Variants in GGA2 observed in about 807,000 individuals in gnomAD.
GGA2 encodes the protein golgi associated, gamma adaptin ear containing, ARF binding protein 2.
In GGA2, 48 loss-of-function variants were observed where a neutral mutation model predicts 79.5. That is an observed-to-expected ratio of 0.60 (90% confidence interval 0.48 to 0.77). GGA2 has a LOEUF of 0.77. GGA2 is among the 30% of genes least tolerant of loss of function. GGA2 has a pLI of 0.00. For synonymous variants in GGA2, 317 were observed against 302.0 expected (o/e 1.05, Z -0.51); for missense variants, 770 against 774.0 (o/e 0.99, Z 0.06).
chr16:23,488,594 C>G lies in GGA2; in HGVS notation c.579+12G>C, dbSNP rs1206832899. Reference sequence around the variant, plus strand: ...AGGTCTGATCAGACACCATGTAGGTCTGTTTCCTTACCTTGGACTTTTCTT... The same window carrying G: ...AGGTCTGATCAGACACCATGTAGGTGTGTTTCCTTACCTTGGACTTTTCTT... On this transcript the variant is annotated intron_variant, in intron 6 of 16. Transcript: ENST00000309859. The G allele has an allele frequency of 4.8e-6, 7 of 1,453,880 alleles. No homozygotes were observed. Among genetic ancestry groups the G allele is most frequent in the Admixed American group, 3.3e-5 (2 of 59,728 alleles). 90.1% of individuals were successfully genotyped at this position (1,453,880 alleles called of 1,614,324 possible).
At chr16:23,469,467 CCT>C (rs1032504212) in intron 15 of GGA2, 24 of 162,992 alleles carry the variant, frequency 1.5e-4, no homozygotes, top group Admixed American at 4.6e-4. Flanking sequence ...GGCCCCTTCC[CCT>C]GTGACTGTGG....
In GGA2 at chr16:23,493,828, C is replaced by T. The variant is rs1964820866; in HGVS notation, c.253-370G>A. The stretch of plus-strand genomic sequence containing the variant: ...AGACCAGCCGGATGTCACCCACTGG[C>T]ACTCAAGAGGCAAGCTGAGCCTGCA... On this transcript the variant is annotated intron_variant, in intron 3 of 16. Transcript: ENST00000309859. 3 of 303,574 alleles carry T rather than the reference C, an allele frequency of 9.9e-6. No individual in the cohort carries two copies. The South Asian group carries it at 1.1e-4, about 12-fold the overall frequency. 18.8% of individuals were successfully genotyped at this position (303,574 alleles called of 1,614,324 possible).
At chr16:23,512,568 A>ACTT (rs59368641), upstream of GGA2, among the ~76,000 whole-genome samples, 151,339 of 152,242 alleles carry the variant, frequency 0.99, 75,224 homozygotes, top group Middle Eastern at 1. Context: ...GAACACACAG[A>ACTT]CTTCTTGTGG....
chr16:23,486,295 T>C, intron 7 of GGA2, 143 bp from the exon 8 acceptor site: 1 of 712,954 alleles, frequency 1.4e-6, no homozygotes, highest in Admixed American at 2.8e-5. Context: ...ACTCACACAG[T>C]GGGTGAAAAA....
chr16:23,506,010 G>A (rs1596996204), intron 1 of GGA2, among the ~76,000 whole-genome samples: 1 of 152,102 alleles, frequency 6.6e-6, no homozygotes, highest in South Asian at 2.1e-4. Flanking sequence ...AATAGCTAGC[G>A]CTTCTTGGGC....
chr16:23,465,271 C>T lies in GGA2; in HGVS notation c.*2319G>A, dbSNP rs1296888180. 1.4e-6 allele frequency: 1 copy of T among 695,474 alleles called. No individual in the cohort carries two copies. The highest frequency in any genetic ancestry group is 2.6e-6 in the Non-Finnish European group (1 of 381,198). 43.1% of individuals were successfully genotyped at this position (695,474 alleles called of 1,614,324 possible). On this transcript the variant is annotated 3_prime_UTR_variant, in exon 17 of 17. Coordinates refer to ENST00000309859, the MANE Select transcript of GGA2 (RefSeq NM_015044.4). ...AAATGCTGGGATTATAGGCGTGAGC[C>T]ACTGTGCACAGCCAATAACTACTTG...
At chr16:23,469,382 C>T in intron 15 of GGA2, 1 of 199,606 alleles carries the variant, frequency 5.0e-6, no homozygotes, top group Non-Finnish European at 1.1e-5. Flanking sequence ...CAGAACATTG[C>T]CCATAGGACT....
Position 23,479,821 on chromosome 16 carries a change from G to A in GGA2, c.1073C>T (p.Pro358Leu), listed in dbSNP as rs982353428. The A allele has an allele frequency of 1.2e-6, 2 of 1,614,044 alleles. No homozygotes were observed. Among genetic ancestry groups the A allele is most frequent in the African/African-American group, 2.7e-5 (2 of 74,930 alleles). ...PLIDLEVDNG[P>L]AQMGTVVPSL... The stretch of plus-strand genomic sequence containing the variant: ...TGGCACCACAGTCCCCATCTGCGCA[G>A]GTCCATTGTCCACCTCCAAGTCAAT... Residue 358 changes from proline (P) to leucine (L), a missense_variant, in exon 11 of 17, where the codon CCT becomes CTT. Physicochemically the swap from Pro to Leu is moderately conservative, Grantham distance 98. Coordinates refer to ENST00000309859, the MANE Select transcript of GGA2 (RefSeq NM_015044.4).
upstream of GGA2, among the ~76,000 whole-genome samples, chr16:23,513,920 T>C (rs938868704): frequency 2.0e-5 from 3 of 151,974 alleles, no homozygotes; most frequent in African/African-American, 7.3e-5. Context: ...AGGAGTGATA[T>C]ACAGGTAAGC....
upstream of GGA2, among the ~76,000 whole-genome samples, chr16:23,514,123 CT>C (rs1965090179): frequency 6.6e-6 from 1 of 151,180 alleles, no homozygotes; most frequent in African/African-American, 2.4e-5. Context: ...TTTGATGAAA[CT>C]TTTTTTGATG....
chr16:23,490,246 C>A (rs1361198634), intron 5 of GGA2, among the ~76,000 whole-genome samples: 1 of 152,174 alleles, frequency 6.6e-6, no homozygotes, highest in African/African-American at 2.4e-5. Flanking sequence ...ATAGTAACTA[C>A]AGCAACAACA....
chr16:23,478,878 C>T lies in GGA2; in HGVS notation c.1158+5G>A. ...CTCTCCGGGCCCTGGGAAGGGCATC[C>T]TTACCATGCCTGTAACAGGAGCATC... On this transcript the variant is annotated splice_donor_5th_base_variant and intron_variant, in intron 12 of 16. Coordinates refer to ENST00000309859, the MANE Select transcript of GGA2 (RefSeq NM_015044.4). The T allele has an allele frequency of 6.2e-7, 1 of 1,601,494 alleles. No homozygotes were observed. Among genetic ancestry groups the T allele is most frequent in the Non-Finnish European group, 8.6e-7 (1 of 1,169,210 alleles).
upstream of GGA2, chr16:23,522,008 TTC>T (rs767225871): frequency 2.8e-6 from 1 of 353,206 alleles, no homozygotes; most frequent in Non-Finnish European, 5.6e-6. Context: ...AAAATACTGC[TTC>T]TCTCATAGTG....
chr16:23,520,010 G>A (rs988358294), intron 1 of GGA2, among the ~76,000 whole-genome samples: 1 of 152,220 alleles, frequency 6.6e-6, no homozygotes, highest in Non-Finnish European at 1.5e-5. Context: ...CCTTTGGGAG[G>A]CCGAGGCAGG....
upstream of GGA2, chr16:23,522,110 A>G (rs1037867512): frequency 2.2e-5 from 6 of 272,992 alleles, no homozygotes; most frequent in African/African-American, 1.3e-4. Context: ...ATAAGCGCAC[A>G]ATAAATTACA....
rs1491312209 is a variant in GGA2 at position 23,467,386 on chromosome 16, GAA to G, written c.*202_*203del. 3 of 264,864 alleles carry G rather than the reference GAA, an allele frequency of 1.1e-5. No homozygotes were observed. Among genetic ancestry groups the G allele is most frequent in the Non-Finnish European group, 1.9e-5 (3 of 155,888 alleles). 16.4% of individuals were successfully genotyped at this position (264,864 alleles called of 1,614,324 possible). ...AGCCCTGTGCTACCACCCTCTCCCC[GAA>G]CACACACACACACACACACACACAC... On this transcript the variant is annotated 3_prime_UTR_variant, in exon 17 of 17. Coordinates refer to ENST00000309859, the MANE Select transcript of GGA2 (RefSeq NM_015044.4).
intron 7 of GGA2, 45 bp from the exon 8 acceptor site, chr16:23,486,197 T>C (rs767090845): frequency 1.9e-6 from 3 of 1,590,690 alleles, no homozygotes; most frequent in Non-Finnish European, 1.7e-6. Context: ...GCAGAAACCC[T>C]GGCTGAAGCC....
At chr16:23,493,248 A>G in intron 4 of GGA2, 112 bp downstream of exon 4, 1 of 707,346 alleles carries the variant, frequency 1.4e-6, no homozygotes, top group Non-Finnish European at 2.6e-6. Flanking sequence ...TTTCACAGGC[A>G]GGAGCAGGTT....
chr16:23,497,678 A>T (rs1207945468), intron 1 of GGA2, among the ~76,000 whole-genome samples: 4 of 151,944 alleles, frequency 2.6e-5, no homozygotes, highest in African/African-American at 9.7e-5. Context: ...CACCCTAAAG[A>T]CTTCTCTGAC....
Sources: allele counts gnomAD v4.1 joint callset (sites outside exome capture counted in the v4.1 genomes callset), GRCh38; gene constraint gnomAD v4.1.1; transcripts MANE v1.5; gene names NCBI Gene and HGNC (gene_info 2026-07-23, HGNC 2026-07-21).